The following GRB14 variants were observed in gnomAD, a reference collection of about 807,000 sequenced individuals.
GRB14 encodes growth factor receptor-bound protein 14.
A neutral mutation model predicts 69.1 loss-of-function variants in GRB14; 38 were observed. The observed-to-expected ratio is 0.55, with a 90% confidence interval of 0.42 to 0.72. The LOEUF (loss-of-function observed/expected upper bound fraction) is 0.72, where lower values mean the gene tolerates loss of function less well. Ranked by LOEUF, GRB14 falls within the 30% of genes least tolerant of loss-of-function variation. The pLI is 0.00. For missense variants in GRB14, 666 were observed against 666.1 expected, an observed-to-expected ratio of 1.00 and a Z score of 0.00; for synonymous variants, 247 against 241.3, an observed-to-expected ratio of 1.02 and a Z score of -0.22.
chr2:164,619,942 A>G, intron 1 of GRB14, 123 bp from the exon 2 acceptor site: 2 of 755,104 alleles, frequency 2.6e-6, no homozygotes, highest in Admixed American at 2.8e-5. Context: ...CATATTATAT[A>G]AAGTATATAG....
chr2:164,612,121 T>C (rs1243743054), intron 2 of GRB14, among the ~76,000 whole-genome samples: 1 of 152,194 alleles, frequency 6.6e-6, no homozygotes, highest in East Asian at 1.9e-4. Context: ...TCACATCATA[T>C]TGACACATCT....
At chr2:164,547,907 ATAT>A in intron 2 of GRB14, 91 bp from the exon 3 acceptor site, 1 of 715,984 alleles carries the variant, frequency 1.4e-6, no homozygotes. Context: ...ATACAACACG[ATAT>A]TATGAGATAT....
intron 2 of GRB14, among the ~76,000 whole-genome samples, chr2:164,596,068 G>A (rs1362228515): frequency 6.6e-6 from 1 of 152,130 alleles, no homozygotes; most frequent in Non-Finnish European, 1.5e-5. Context: ...AGGTTGCAGC[G>A]AACCGAGATT....
At chr2:164,524,750 A>G (rs1370821265) in intron 5 of GRB14, among the ~76,000 whole-genome samples, 1 of 152,088 alleles carries the variant, frequency 6.6e-6, no homozygotes, top group East Asian at 1.9e-4. Flanking sequence ...TTTCCTTTTA[A>G]GACACACATT....
chr2:164,532,318 C>A (rs1408876070), intron 3 of GRB14, among the ~76,000 whole-genome samples: 2 of 152,172 alleles, frequency 1.3e-5, no homozygotes, highest in Non-Finnish European at 2.9e-5. Flanking sequence ...GAAACTAATT[C>A]AAAATACAGT....
intron 2 of GRB14, among the ~76,000 whole-genome samples, chr2:164,582,150 CA>C (rs1447399387): frequency 6.6e-6 from 1 of 152,100 alleles, no homozygotes; most frequent in African/African-American, 2.4e-5. Context: ...GACTCACATG[CA>C]ATTCAAACTC....
chr2:164,594,489 C>T (rs1021418403), intron 2 of GRB14, among the ~76,000 whole-genome samples: 7 of 152,140 alleles, frequency 4.6e-5, no homozygotes, highest in South Asian at 4.1e-4. Flanking sequence ...CGTAGAGTTA[C>T]GTTTCTGGCC....
chr2:164,569,078 G>A (rs1166348136), intron 2 of GRB14, among the ~76,000 whole-genome samples: 2 of 151,766 alleles, frequency 1.3e-5, no homozygotes, highest in Non-Finnish European at 2.9e-5. Flanking sequence ...ATACAAAGAG[G>A]GGATTAAACT....
intron 3 of GRB14, 31 bp from the exon 4 acceptor site, chr2:164,527,166 CAGAT>C: frequency 1.5e-6 from 1 of 669,652 alleles, no homozygotes; most frequent in Non-Finnish European, 2.3e-6. Context: ...AGTATGTTGA[CAGAT>C]AGACAAATAT....
At chr2:164,599,012 C>T (rs1689853547) in intron 2 of GRB14, among the ~76,000 whole-genome samples, 1 of 152,186 alleles carries the variant, frequency 6.6e-6, no homozygotes, top group Non-Finnish European at 1.5e-5. Context: ...TTCTGTTCTA[C>T]ATGGTGTCAG....
At chr2:164,599,681 T>G (rs891349432) in intron 2 of GRB14, among the ~76,000 whole-genome samples, 16 of 152,206 alleles carry the variant, frequency 1.1e-4, no homozygotes, top group African/African-American at 3.9e-4. Context: ...AGTATTTGCA[T>G]ATGCACTAAG....
Position 164,601,480 on chromosome 2 carries a change from A to G in GRB14, c.324+18207T>C, listed in dbSNP as rs192450266. On this transcript the variant is annotated intron_variant, in intron 2 of 13. Coordinates refer to ENST00000263915, the MANE Select transcript of GRB14 (RefSeq NM_004490.3). ...AGAAGGTATTTTGAACGTAGTTTCTAAATAGAATTCTACCTGTGAATTTTG... is the reference window on the plus strand; with the variant it reads ...AGAAGGTATTTTGAACGTAGTTTCTGAATAGAATTCTACCTGTGAATTTTG... Among the ~76,000 whole-genome samples, 90 of 152,258 alleles carry G rather than the reference A, an allele frequency of 5.9e-4. No homozygotes were observed. In the East Asian group the frequency reaches 0.012, roughly 20 times the overall value.
At chr2:164,619,580 A>C (rs1690393969) in intron 2 of GRB14, 107 bp downstream of exon 2, 1 of 702,050 alleles carries the variant, frequency 1.4e-6, no homozygotes, top group Non-Finnish European at 2.4e-6. Flanking sequence ...TATTTAACAG[A>C]GCCCATGCTA....
chr2:164,588,290 C>T (rs1322869317), intron 2 of GRB14, among the ~76,000 whole-genome samples: 1 of 152,082 alleles, frequency 6.6e-6, no homozygotes, highest in Non-Finnish European at 1.5e-5. Context: ...AGAAATGTTG[C>T]CAATGTACCT....
intron 2 of GRB14, among the ~76,000 whole-genome samples, chr2:164,576,559 C>T (rs1178871949): frequency 6.6e-6 from 1 of 151,732 alleles, no homozygotes; most frequent in African/African-American, 2.4e-5. Context: ...AATTTTAAGA[C>T]TCTTCAAATA....
At chr2:164,601,264 C>G (rs1371867965) in intron 2 of GRB14, among the ~76,000 whole-genome samples, 2 of 151,974 alleles carry the variant, frequency 1.3e-5, no homozygotes, top group Non-Finnish European at 2.9e-5. Flanking sequence ...ACAATGATTT[C>G]TGACATTTTC....
At chr2:164,606,755 T>C (rs969210286) in intron 2 of GRB14, among the ~76,000 whole-genome samples, 4 of 152,156 alleles carry the variant, frequency 2.6e-5, no homozygotes, top group African/African-American at 7.2e-5. Context: ...TGTAATATAA[T>C]GCAAAATAGC....
At chr2:164,562,890 T>A (rs1179699910) in intron 2 of GRB14, among the ~76,000 whole-genome samples, 1 of 152,140 alleles carries the variant, frequency 6.6e-6, no homozygotes, top group Non-Finnish European at 1.5e-5. Flanking sequence ...TCCTAAAAAC[T>A]CACTTCTCAG....
At chr2:164,602,248 C>T (rs1375687169) in intron 2 of GRB14, among the ~76,000 whole-genome samples, 1 of 151,830 alleles carries the variant, frequency 6.6e-6, no homozygotes, top group African/African-American at 2.4e-5. Context: ...TCTGCCACTT[C>T]CTATCTCTGT....
Sources: allele counts gnomAD v4.1 joint callset (sites outside exome capture counted in the v4.1 genomes callset), GRCh38; gene constraint gnomAD v4.1.1; transcripts MANE v1.5; gene names NCBI Gene and HGNC (gene_info 2026-07-23, HGNC 2026-07-21).